ITGA9: variants seen among roughly 807,000 people sequenced by gnomAD.
ITGA9 encodes integrin alpha-9.
In ITGA9, 56 loss-of-function variants were observed where a neutral mutation model predicts 127.8. That is an observed-to-expected ratio of 0.44 (90% CI 0.35 to 0.55). ITGA9 has a LOEUF of 0.55. ITGA9 is among the 20% of genes least tolerant of loss of function. The pLI is 0.00. For missense variants in ITGA9, 1,196 were observed against 1,347.1 expected, an observed-to-expected ratio of 0.89 and a Z score of 1.76; for synonymous variants, 508 against 514.5, an observed-to-expected ratio of 0.99 and a Z score of 0.17.
chr3:37,818,024 C>T (rs34308428), intron 27 of ITGA9, among the ~76,000 whole-genome samples: 4,947 of 151,944 alleles, frequency 0.033, 96 homozygotes, highest in African/African-American at 0.042. Flanking sequence ...CAGCCTCTCA[C>T]GTGAGAGCAG....
intron 18 of ITGA9, among the ~76,000 whole-genome samples, chr3:37,701,629 G>A (rs1351644135): frequency 6.6e-6 from 1 of 152,200 alleles, no homozygotes; most frequent in Non-Finnish European, 1.5e-5. Flanking sequence ...TGCAGGGGCA[G>A]AGCAGTTTTA....
intron 18 of ITGA9, among the ~76,000 whole-genome samples, chr3:37,721,173 G>C (rs923537334): frequency 3.5e-5 from 5 of 144,364 alleles, no homozygotes; most frequent in African/African-American, 1.3e-4. Context: ...CCAGGCTGGA[G>C]TGCAGTGGTG....
rs531453008 is a variant in ITGA9 at position 37,472,845 on chromosome 3, G to A, written c.314-509G>A. ...AGGCCCTGCCTCTTTCCATGAGAAAGTCTTGCCATGTGGTTGGGTGCAGTG... is the reference window on the plus strand; with the variant it reads ...AGGCCCTGCCTCTTTCCATGAGAAAATCTTGCCATGTGGTTGGGTGCAGTG... On this transcript the variant is annotated intron_variant, in intron 2 of 27. Coordinates refer to ENST00000264741, the MANE Select transcript of ITGA9 (RefSeq NM_002207.3). 3.9e-5 allele frequency among the ~76,000 whole-genome samples: 6 copies of A among 152,248 alleles called. 1 individual carries two copies. In the South Asian group the frequency reaches 1.2e-3, roughly 32 times the overall value.
intron 18 of ITGA9, among the ~76,000 whole-genome samples, chr3:37,731,448 A>G (rs536031191): frequency 9.2e-5 from 14 of 152,342 alleles, no homozygotes; most frequent in African/African-American, 2.9e-4. Flanking sequence ...CATTGAGATC[A>G]GTTATATCCG....
chr3:37,662,381 T>C (rs2298416), intron 17 of ITGA9, among the ~76,000 whole-genome samples: 56,259 of 151,742 alleles, frequency 0.37, 11,823 homozygotes, highest in East Asian at 0.48. Context: ...CCAGCCTGGG[T>C]GACCGGGGGC....
intron 18 of ITGA9, among the ~76,000 whole-genome samples, chr3:37,702,799 G>A (rs975509674): frequency 1.3e-5 from 2 of 151,848 alleles, no homozygotes; most frequent in Non-Finnish European, 2.9e-5. Flanking sequence ...CTCCTTGCCC[G>A]GGCATCTTCA....
In ITGA9 at chr3:37,523,557, A is replaced by T; in HGVS notation, c.1273A>T (p.Met425Leu). The change falls in exon 12 of 28, where the codon ATG (methionine) becomes TTG (leucine). Residue 425 changes from methionine (M) to leucine (L), a missense_variant. Physicochemically the swap from Met to Leu is conservative, Grantham distance 15. Transcript: ENST00000264741. ...SGQKINPVLR[M>L]FGQSISGGID... ...GCAGAAGATAAATCCAGTGCTCCGG[A>T]TGTTTGGTCAGTCCATATCGGGAGG... The T allele has an allele frequency of 6.2e-7, 1 of 1,614,046 alleles. No homozygotes were observed. Among genetic ancestry groups the T allele is most frequent in the Non-Finnish European group, 8.5e-7 (1 of 1,179,968 alleles).
chr3:37,723,213 GT>G (rs1701210696), intron 18 of ITGA9, among the ~76,000 whole-genome samples: 1 of 151,988 alleles, frequency 6.6e-6, no homozygotes, highest in Non-Finnish European at 1.5e-5. Flanking sequence ...GTATCCTAAA[GT>G]TCCTATTAGA....
chr3:37,630,146 G>T (rs1700216896), intron 16 of ITGA9, among the ~76,000 whole-genome samples: 1 of 152,218 alleles, frequency 6.6e-6, no homozygotes, highest in Non-Finnish European at 1.5e-5. Flanking sequence ...CACTGTAAGT[G>T]TAGGGGAAAA....
chr3:37,518,093 C>CGTGTGTGTGTGTGTGTAT (rs1553643686), intron 10 of ITGA9, among the ~76,000 whole-genome samples: 1 of 144,106 alleles, frequency 6.9e-6, no homozygotes, highest in Admixed American at 7.0e-5. Context: ...AGAGTGTACG[C>CGTGTGTGTGTGTGTGTAT]GTGTGTGTGT....
chr3:37,720,992 G>A (rs963748970), intron 18 of ITGA9, among the ~76,000 whole-genome samples: 4 of 152,064 alleles, frequency 2.6e-5, no homozygotes, highest in Non-Finnish European at 2.9e-5. Flanking sequence ...TGGACTCTTT[G>A]GGAGGAGACC....
chr3:37,655,697 G>C (rs1195268502), intron 17 of ITGA9, among the ~76,000 whole-genome samples: 3 of 152,018 alleles, frequency 2.0e-5, no homozygotes, highest in African/African-American at 7.3e-5. Context: ...CTTTAGTTTA[G>C]TTAGATCCCA....
chr3:37,543,027 G>A (rs923001791), intron 15 of ITGA9, among the ~76,000 whole-genome samples: 1 of 152,098 alleles, frequency 6.6e-6, no homozygotes, highest in Non-Finnish European at 1.5e-5. Flanking sequence ...AAACTGGTTG[G>A]ACTAGATTCT....
chr3:37,711,958 A>C (rs1471890298), intron 18 of ITGA9, among the ~76,000 whole-genome samples: 1 of 152,176 alleles, frequency 6.6e-6, no homozygotes, highest in Non-Finnish European at 1.5e-5. Context: ...GATGAGCCCA[A>C]GTCACCTGTA....
At chr3:37,561,255 G>T (rs1328159244) in intron 15 of ITGA9, among the ~76,000 whole-genome samples, 2 of 152,110 alleles carry the variant, frequency 1.3e-5, no homozygotes, top group African/African-American at 4.8e-5. Context: ...TGAAATATTT[G>T]CCTTCTTTCC....
intron 15 of ITGA9, among the ~76,000 whole-genome samples, chr3:37,616,526 C>A (rs1448966273): frequency 6.6e-6 from 1 of 152,100 alleles, no homozygotes; most frequent in Non-Finnish European, 1.5e-5. Flanking sequence ...TCTTTGTTAA[C>A]TTTCTGTCTC....
At chr3:37,637,270 G>A (rs1299247516) in intron 16 of ITGA9, among the ~76,000 whole-genome samples, 3 of 152,194 alleles carry the variant, frequency 2.0e-5, no homozygotes, top group Non-Finnish European at 4.4e-5. Flanking sequence ...TACGAGCATG[G>A]AATGTTCTTC....
chr3:37,631,243 A>G (rs1575174090), intron 16 of ITGA9, among the ~76,000 whole-genome samples: 1 of 152,126 alleles, frequency 6.6e-6, no homozygotes, highest in Non-Finnish European at 1.5e-5. Flanking sequence ...GTAGTCATCT[A>G]CCCTGTCCAG....
intron 14 of ITGA9, among the ~76,000 whole-genome samples, chr3:37,540,321 T>C (rs1191955763): frequency 3.3e-5 from 5 of 152,242 alleles, no homozygotes; most frequent in African/African-American, 1.2e-4. Context: ...CTTCCAGCAA[T>C]GTGTATCTGT....
Sources: gnomAD v4.1 joint callset for allele counts (sites outside exome capture counted in the v4.1 genomes callset) on GRCh38, gnomAD v4.1.1 for gene constraint, MANE v1.5 for transcripts, NCBI Gene and HGNC (gene_info 2026-07-23, HGNC 2026-07-21) for gene names.